The following AEN variants were observed in gnomAD, a reference collection of about 807,000 sequenced individuals.
AEN encodes the protein apoptosis enhancing nuclease.
Under a neutral mutation model 17.7 loss-of-function variants are expected in AEN, and 21 were observed. The ratio of observed to expected loss-of-function variants is 1.19; its 90% confidence interval spans 0.84 to 1.71. The LOEUF is 1.71. Ranked by LOEUF, AEN falls within the 40% of genes most tolerant of loss-of-function variation. The probability of loss-of-function intolerance (pLI) is 0.00; values close to 1 mark genes in which losing one functional copy is unlikely to be tolerated. For synonymous variants in AEN, 190 were observed against 173.0 expected (o/e 1.10, Z -0.77); for missense variants, 462 against 435.9 (o/e 1.06, Z -0.53).
chr15:88,622,213 T>C (rs1715896780), intron 1 of AEN, among the ~76,000 whole-genome samples: 1 of 152,190 alleles, frequency 6.6e-6, no homozygotes, highest in Non-Finnish European at 1.5e-5. Context: ...CCTCCCTGCC[T>C]GAAGGCCGGG....
Position 88,631,719 on chromosome 15 carries a change from C to T in AEN, c.*1425C>T, listed in dbSNP as rs1361517032. 6.6e-6 allele frequency: 1 copy of T among 152,530 alleles called. No homozygotes were observed. Among genetic ancestry groups the T allele is most frequent in the African/African-American group, 2.4e-5 (1 of 41,318 alleles). The allele number at this position is 152,530 out of a possible 1,614,324, so 9.4% of individuals were successfully genotyped here. A position where few individuals can be genotyped will look rare whatever the true frequency, so the allele number is the denominator to read the frequency against. ...ATTTGTTGTAACTTCTTCAGGATAA[C>T]ACCTGAGTCCACAGGCTGAGCAGCT... On this transcript the variant is annotated 3_prime_UTR_variant, in exon 4 of 4. Coordinates refer to ENST00000332810, the MANE Select transcript of AEN (RefSeq NM_022767.4).
At position 88,626,683 on chromosome 15, in the gene AEN, C is replaced by T; in HGVS notation, c.474C>T (p.Thr158=). Residue 158 remains threonine, a synonymous_variant, in exon 2 of 4, where the codon ACC becomes ACT. Transcript: ENST00000332810. The part of the protein sequence containing the change: ...RPEMPIADYR[T]RWSGITRQHM... ...AGATGCCCATCGCTGACTACCGTAC[C>T]CGCTGGAGTGGCATCACTCGGCAGC... 6.2e-7 allele frequency: 1 copy of T among 1,613,788 alleles called. No individual in the cohort carries two copies. Among genetic ancestry groups the T allele is most frequent in the Non-Finnish European group, 8.5e-7 (1 of 1,180,044 alleles).
chr15:88,621,853 G>A (rs1211863074), intron 1 of AEN: 1 of 152,194 alleles, frequency 6.6e-6, no homozygotes, highest in Non-Finnish European at 1.5e-5. Context: ...GGGGTCGTCC[G>A]CGCTCTTTTT....
the AEN span, chr15:88,611,716 T>A: frequency 1.2e-4 from 36 of 311,408 alleles, no homozygotes; most frequent in Admixed American, 1.1e-3. Flanking sequence ...TGTTCAAAGA[T>A]GAACTTAGTA....
rs1420982281 is a variant in AEN at position 88,631,610 on chromosome 15, C to T, written c.*1316C>T. ...TAAATGTGAAGTGCTTGGCACAGTG[C>T]CTGGCACATGGTGAGCCACAGCTAC... On this transcript the variant is annotated 3_prime_UTR_variant, in exon 4 of 4. Transcript: ENST00000332810. 2 of 153,260 alleles carry T rather than the reference C, an allele frequency of 1.3e-5. No homozygotes were observed. Among genetic ancestry groups the T allele is most frequent in the African/African-American group, 4.8e-5 (2 of 41,404 alleles). The allele number at this position is 153,260 out of a possible 1,614,324, so 9.5% of individuals were successfully genotyped here.
chr15:88,611,467 A>T, the AEN span, among the ~76,000 whole-genome samples: 58 of 147,400 alleles, frequency 3.9e-4, no homozygotes, highest in Admixed American at 1.0e-3. Flanking sequence ...AATTAGCTGT[A>T]GTCTCAGCTA....
intron 1 of AEN, among the ~76,000 whole-genome samples, chr15:88,623,071 C>T (rs543935420): frequency 6.6e-6 from 1 of 152,282 alleles, no homozygotes; most frequent in Non-Finnish European, 1.5e-5. Context: ...GGGGACTATC[C>T]GCCAGCCCCC....
chr15:88,624,228 T>A (rs572226872), intron 1 of AEN, among the ~76,000 whole-genome samples: 353 of 152,262 alleles, frequency 2.3e-3, no homozygotes, highest in African/African-American at 7.8e-3. Context: ...AGCCTCAGTA[T>A]GGCATTGGCC....
intron 1 of AEN, 76 bp downstream of exon 1, chr15:88,621,458 G>A (rs1340864103): frequency 6.6e-6 from 1 of 152,458 alleles, no homozygotes; most frequent in African/African-American, 2.4e-5. Flanking sequence ...GCAGGTCCCC[G>A]CGCGTTGTTT....
At chr15:88,611,680 C>T in the AEN span, 1 of 292,214 alleles carries the variant, frequency 3.4e-6, no homozygotes, top group South Asian at 2.9e-5. Flanking sequence ...AATAATTTCT[C>T]CAGGGAATTC....
At chr15:88,616,558 C>A (rs1023806972), upstream of AEN, among the ~76,000 whole-genome samples, 2 of 152,168 alleles carry the variant, frequency 1.3e-5, no homozygotes, top group African/African-American at 4.8e-5. Context: ...GTATTACCAT[C>A]CACAGTCAAG....
chr15:88,614,522 A>G, the AEN span, among the ~76,000 whole-genome samples: 2 of 152,188 alleles, frequency 1.3e-5, no homozygotes, highest in African/African-American at 4.8e-5. Context: ...TTTTTAAGGT[A>G]ACTTTATTGG....
At chr15:88,608,080 T>G in the AEN span, 1 of 519,414 alleles carries the variant, frequency 1.9e-6, no homozygotes, top group Admixed American at 2.0e-5. Context: ...AAGGGTCTAC[T>G]TTCAAGAAGA....
the AEN span, among the ~76,000 whole-genome samples, chr15:88,610,717 G>A: frequency 6.6e-6 from 1 of 152,158 alleles, no homozygotes; most frequent in Non-Finnish European, 1.5e-5. Flanking sequence ...GTGGGCTAAA[G>A]AGGAAGTGCT....
At position 88,626,657 on chromosome 15, in the gene AEN, G is replaced by A. The variant is rs1305179709; in HGVS notation, c.448G>A (p.Glu150Lys). ...NVLYDKYIRP[E>K]MPIADYRTRW... ...CCTCTATGACAAGTACATCAGGCCT[G>A]AGATGCCCATCGCTGACTACCGTAC... Residue 150 changes from glutamate to lysine, a missense_variant, in exon 2 of 4, where the codon GAG (glutamate) becomes AAG (lysine). Physicochemically the swap from Glu to Lys is moderately conservative, Grantham distance 56. Transcript: ENST00000332810. 7 of 1,613,922 alleles carry A rather than the reference G, an allele frequency of 4.3e-6. No homozygotes were observed. The highest frequency in any genetic ancestry group is 5.9e-6 in the Non-Finnish European group (7 of 1,180,006).
the AEN span, among the ~76,000 whole-genome samples, chr15:88,615,799 C>T: frequency 1.3e-5 from 2 of 152,172 alleles, no homozygotes; most frequent in South Asian, 2.1e-4. Context: ...AGCAGATCAA[C>T]ACTCTCTTTC....
chr15:88,611,933 C>T, the AEN span: 34 of 497,650 alleles, frequency 6.8e-5, 1 homozygote, highest in South Asian at 5.0e-4. Flanking sequence ...CCAGCCATCG[C>T]AGCGGGGTGC....
At chr15:88,611,433 TA>T in the AEN span, among the ~76,000 whole-genome samples, 40,449 of 94,018 alleles carry the variant, frequency 0.43, 7,879 homozygotes, top group Non-Finnish European at 0.52. Flanking sequence ...TTGTCTTTAC[TA>T]AAAAAAAAAA....
At position 88,630,287 on chromosome 15, in the gene AEN, G is replaced by T. The variant is rs1264296374; in HGVS notation, c.971G>T (p.Arg324Met). 1.3e-6 allele frequency: 2 copies of T among 1,579,544 alleles called. No homozygotes were observed. Among genetic ancestry groups the T allele is most frequent in the Non-Finnish European group, 8.6e-7 (1 of 1,163,198 alleles). Reference sequence around the variant, plus strand: ...GGAGCCAGGGAGGCACAGGACAGAAGGAATTGAGAAGGGGGCGGGGCTCCC... The same window carrying T: ...GGAGCCAGGGAGGCACAGGACAGAATGAATTGAGAAGGGGGCGGGGCTCCC... ...RGGAREAQDR[R>M]N is the part of the protein sequence containing the mutation. Residue 324 changes from arginine (R) to methionine (M), a missense_variant, in exon 4 of 4, where the codon AGG becomes ATG. Physicochemically the swap from Arg to Met is moderately conservative, Grantham distance 91. Coordinates refer to ENST00000332810, the MANE Select transcript of AEN (RefSeq NM_022767.4). The surrounding 1 kb of genome is among the most constrained non-coding windows in gnomAD (Gnocchi z 5.1).
Sources: gnomAD v4.1 joint callset for allele counts (sites outside exome capture counted in the v4.1 genomes callset) on GRCh38, gnomAD v4.1.1 for gene constraint, Gnocchi (gnomAD v3.1) non-coding constraint, MANE v1.5 for transcripts, NCBI Gene and HGNC (gene_info 2026-07-23, HGNC 2026-07-21) for gene names.